The following LRP1B variants were observed in gnomAD, a reference collection of about 807,000 sequenced individuals.
The protein encoded by LRP1B is low-density lipoprotein receptor-related protein 1B.
In LRP1B, 217 loss-of-function variants were observed where a neutral mutation model predicts 556.6. The ratio of observed to expected loss-of-function variants is 0.39; its 90% CI spans 0.35 to 0.44. The LOEUF (loss-of-function observed/expected upper bound fraction) is 0.44. LRP1B is among the 20% of genes least tolerant of loss of function. LRP1B has a pLI of 1.00. For missense variants in LRP1B, 5,053 were observed against 5,620.8 expected (o/e 0.90, Z 3.23); for synonymous variants, 2,047 against 1,865.8 (o/e 1.10, Z -2.50).
intron 45 of LRP1B, among the ~76,000 whole-genome samples, chr2:140,537,266 A>C (rs1330093469): frequency 6.7e-6 from 1 of 149,730 alleles, no homozygotes; most frequent in Non-Finnish European, 1.5e-5. Context: ...AGCCAGTTAA[A>C]TGAACTCTGT....
chr2:141,957,049 A>G (rs956660702), intron 1 of LRP1B, among the ~76,000 whole-genome samples: 10 of 152,080 alleles, frequency 6.6e-5, no homozygotes, highest in Admixed American at 5.9e-4. Context: ...TTGATTTGGA[A>G]TAAGAATCTA....
chr2:141,037,872 G>A (rs548813040), intron 11 of LRP1B, among the ~76,000 whole-genome samples: 1 of 150,922 alleles, frequency 6.6e-6, no homozygotes, highest in South Asian at 2.1e-4. Flanking sequence ...ACAGACACAT[G>A]CGCACGTGCA....
rs759286028 is a variant in LRP1B at position 140,994,142 on chromosome 2, T to C, written c.2504-7A>G. ...AGTGCTTCTCCAGGATTAACTAGAG[T>C]TAAAAAAACCCAAGGTATATGAATA... On this transcript the variant is annotated splice_region_variant and splice_polypyrimidine_tract_variant and intron_variant, in intron 15 of 90. Coordinates refer to ENST00000389484, the MANE Select transcript of LRP1B (RefSeq NM_018557.3). The C allele has an allele frequency of 1.9e-6, 3 of 1,610,862 alleles. No individual in the cohort carries two copies. The highest frequency in any genetic ancestry group is 1.1e-5 in the South Asian group (1 of 90,834).
chr2:141,108,011 T>A (rs978888013), intron 7 of LRP1B, among the ~76,000 whole-genome samples: 4 of 152,158 alleles, frequency 2.6e-5, no homozygotes, highest in Non-Finnish European at 5.9e-5. Context: ...GTTCATTTTA[T>A]TTTGTTTAAA....
At chr2:141,622,026 G>T (rs1574152517) in intron 2 of LRP1B, among the ~76,000 whole-genome samples, 1 of 151,970 alleles carries the variant, frequency 6.6e-6, no homozygotes, top group South Asian at 2.1e-4. Context: ...CGAGTAGCTG[G>T]GGTTACAGGC....
intron 32 of LRP1B, among the ~76,000 whole-genome samples, chr2:140,813,092 G>T (rs558591072): frequency 6.6e-6 from 1 of 152,174 alleles, no homozygotes; most frequent in East Asian, 1.9e-4. Context: ...CTCCCTTTTA[G>T]CTTCCTAATC....
chr2:141,256,502 T>C (rs191410832), intron 3 of LRP1B, among the ~76,000 whole-genome samples: 53 of 152,162 alleles, frequency 3.5e-4, no homozygotes, highest in African/African-American at 1.2e-3. Context: ...ACAGTAGTGA[T>C]ACATTCTGAC....
chr2:141,743,109 T>C (rs923651132), intron 2 of LRP1B, among the ~76,000 whole-genome samples: 4 of 152,118 alleles, frequency 2.6e-5, no homozygotes, highest in African/African-American at 4.8e-5. Flanking sequence ...GCTTGGATGA[T>C]TGTTATAGCT....
rs1270213278 is a variant in LRP1B at position 140,487,663 on chromosome 2, T to C, written c.9197A>G (p.Asn3066Ser). 3 of 1,608,342 alleles carry C rather than the reference T, an allele frequency of 1.9e-6. No individual in the cohort carries two copies. The highest frequency in any genetic ancestry group is 2.6e-6 in the Non-Finnish European group (3 of 1,176,410). The change falls in exon 58 of 91, where the codon AAT (asparagine) becomes AGT (serine). Residue 3066 changes from asparagine (N) to serine (S), a missense_variant. By Grantham distance (46) the Asn-to-Ser change is conservative. This residue lies in a region of LRP1B where 3,619 missense variants were observed against 3,931.9 expected (regional missense o/e 0.92). Transcript: ENST00000389484. The part of the protein sequence containing the change: ...FIYWIDSSRP[N>S]GSRINRMCLN... ...ACACATTCTATTTATGCGACTGCCA[T>C]TGGGTCGGCTAGAATCGATCCAATA...
chr2:140,796,007 AAAG>A (rs1178371368), intron 32 of LRP1B, among the ~76,000 whole-genome samples: 1 of 152,038 alleles, frequency 6.6e-6, no homozygotes, highest in Non-Finnish European at 1.5e-5. Flanking sequence ...TTTTTTAAAT[AAAG>A]AAGAGACATA....
intron 1 of LRP1B, among the ~76,000 whole-genome samples, chr2:141,876,215 G>C (rs1336203434): frequency 6.6e-6 from 1 of 151,918 alleles, no homozygotes. Context: ...GAAAGTTTGA[G>C]CTCCAAATGG....
At chr2:141,551,750 A>C (rs1685758142) in intron 2 of LRP1B, among the ~76,000 whole-genome samples, 1 of 152,072 alleles carries the variant, frequency 6.6e-6, no homozygotes, top group African/African-American at 2.4e-5. Flanking sequence ...ACTAAAGTGA[A>C]AATGACAGTC....
intron 3 of LRP1B, among the ~76,000 whole-genome samples, chr2:141,472,271 C>T (rs1682503675): frequency 1.3e-5 from 2 of 152,144 alleles, no homozygotes. Flanking sequence ...ATTGGCCGGA[C>T]ACAGTGGCTC....
chr2:140,864,581 T>C (rs1692893940), intron 27 of LRP1B, among the ~76,000 whole-genome samples: 1 of 152,028 alleles, frequency 6.6e-6, no homozygotes, highest in African/African-American at 2.4e-5. Flanking sequence ...CATTATATAA[T>C]CCCAGATCTC....
intron 1 of LRP1B, among the ~76,000 whole-genome samples, chr2:141,845,641 C>T (rs1697620376): frequency 6.6e-6 from 1 of 151,782 alleles, no homozygotes; most frequent in Non-Finnish European, 1.5e-5. Flanking sequence ...TTTTGTACCT[C>T]TCTGAGGGTA....
chr2:141,123,093 C>G (rs1244048798), intron 7 of LRP1B, among the ~76,000 whole-genome samples: 1 of 151,952 alleles, frequency 6.6e-6, no homozygotes, highest in Admixed American at 6.6e-5. Flanking sequence ...ACACCAGGGC[C>G]TGTCATGGGG....
chr2:141,795,456 A>G (rs1307723735), intron 2 of LRP1B, among the ~76,000 whole-genome samples: 2 of 152,132 alleles, frequency 1.3e-5, no homozygotes, highest in African/African-American at 4.8e-5. Context: ...AAGTTAGTGT[A>G]GGGATACACA....
intron 27 of LRP1B, 67 bp from the exon 28 acceptor site, chr2:140,851,850 A>C (rs190813135): frequency 3.4e-6 from 5 of 1,457,830 alleles, no homozygotes; most frequent in African/African-American, 1.4e-5. Context: ...TCTGAGGTTG[A>C]CAGGGGTTAT....
chr2:141,348,891 T>C (rs1456546998), intron 3 of LRP1B, among the ~76,000 whole-genome samples: 1 of 152,036 alleles, frequency 6.6e-6, no homozygotes, highest in East Asian at 1.9e-4. Context: ...TCACGAGAAC[T>C]GATGATTCTA....
Sources: gnomAD v4.1 joint callset for allele counts (sites outside exome capture counted in the v4.1 genomes callset) on GRCh38, gnomAD v4.1.1 for gene constraint, gnomAD v4.1.1 regional missense constraint, MANE v1.5 for transcripts, NCBI Gene and HGNC (gene_info 2026-07-23, HGNC 2026-07-21) for gene names.